UBE3C: variants seen among roughly 807,000 people sequenced by gnomAD.
The protein encoded by UBE3C is ubiquitin protein ligase E3C.
Under a neutral mutation model 129.4 loss-of-function variants are expected in UBE3C, and 42 were observed. That is an observed-to-expected ratio of 0.32 (90% CI 0.25 to 0.42). The LOEUF (loss-of-function observed/expected upper bound fraction) is 0.42. UBE3C is among the 10% of genes least tolerant of loss of function. UBE3C has a pLI of 1.00. For missense variants in UBE3C, 1,049 were observed against 1,319.1 expected, an observed-to-expected ratio of 0.80 and a Z score of 3.17; for synonymous variants, 510 against 492.4, an observed-to-expected ratio of 1.04 and a Z score of -0.47.
At chr7:157,209,615 G>A (rs1259384499) in intron 13 of UBE3C, among the ~76,000 whole-genome samples, 1 of 152,146 alleles carries the variant, frequency 6.6e-6, no homozygotes, top group Non-Finnish European at 1.5e-5. Flanking sequence ...TGGGGTCTTT[G>A]TTAATAAAGC....
At chr7:157,248,698 G>A (rs554869809) in intron 19 of UBE3C, 118 bp downstream of exon 19, 33 of 1,125,766 alleles carry the variant, frequency 2.9e-5, no homozygotes, top group Non-Finnish European at 3.9e-5. Flanking sequence ...TAGAATGACT[G>A]TGGCTGTGAG....
rs540267397 is a variant in UBE3C at position 157,192,123 on chromosome 7, A to T, written c.1331+5102A>T. ...TTGTTAGACACATCAAATAAATAAA[A>T]TAGACTTGCCTTCGTCAGCTTCAGC... On this transcript the variant is annotated intron_variant, in intron 10 of 22. Coordinates refer to ENST00000348165, the MANE Select transcript of UBE3C (RefSeq NM_014671.3). Among the ~76,000 whole-genome samples the T allele has an allele frequency of 2.0e-5, 3 of 152,354 alleles. No individual in the cohort carries two copies. In the South Asian group the frequency reaches 6.2e-4, roughly 32 times the overall value.
At chr7:157,165,487 T>C (rs1808189021) in intron 2 of UBE3C, among the ~76,000 whole-genome samples, 1 of 151,432 alleles carries the variant, frequency 6.6e-6, no homozygotes, top group African/African-American at 2.4e-5. Flanking sequence ...AACCTCCGCC[T>C]TCCAGGTTCA....
At chr7:157,185,686 G>T (rs1334210585) in intron 9 of UBE3C, among the ~76,000 whole-genome samples, 1 of 152,012 alleles carries the variant, frequency 6.6e-6, no homozygotes, top group African/African-American at 2.4e-5. Context: ...AAGCTCTTTT[G>T]CCTTTAGGTT....
chr7:157,197,510 T>C (rs999297383), intron 10 of UBE3C: 17 of 73,452 alleles, frequency 2.3e-4, no homozygotes, highest in Non-Finnish European at 2.8e-4. Context: ...AAATAATTTG[T>C]TTTTTTTTTT....
At chr7:157,158,531 A>G (rs540974134) in intron 1 of UBE3C, among the ~76,000 whole-genome samples, 1 of 152,378 alleles carries the variant, frequency 6.6e-6, no homozygotes, top group South Asian at 2.1e-4. Context: ...AGCTGTGATT[A>G]AAAGTGATGA....
intron 22 of UBE3C, among the ~76,000 whole-genome samples, chr7:157,258,335 A>T (rs1796810216): frequency 6.6e-6 from 1 of 152,128 alleles, no homozygotes; most frequent in Non-Finnish European, 1.5e-5. Context: ...CTGAGGTAGG[A>T]GGATTAGTTG....
At chr7:157,261,271 A>G (rs1182713174) in intron 22 of UBE3C, among the ~76,000 whole-genome samples, 2 of 128,804 alleles carry the variant, frequency 1.6e-5, no homozygotes, top group Admixed American at 2.0e-4. Context: ...GCACCATTGC[A>G]CTCCAGCCTG....
At chr7:157,154,279 C>T (rs1053785007) in intron 1 of UBE3C, among the ~76,000 whole-genome samples, 1 of 151,904 alleles carries the variant, frequency 6.6e-6, no homozygotes, top group African/African-American at 2.4e-5. Context: ...AAGATCACAC[C>T]ACTGCACTCC....
intron 10 of UBE3C, among the ~76,000 whole-genome samples, chr7:157,191,465 A>G (rs560726163): frequency 1.1e-4 from 17 of 152,140 alleles, no homozygotes; most frequent in Non-Finnish European, 2.1e-4. Context: ...AATTTTTTGT[A>G]ATTTTTGTAG....
At chr7:157,174,835 TA>T in intron 4 of UBE3C, 83 bp from the exon 5 acceptor site, 1 of 992,160 alleles carries the variant, frequency 1.0e-6, no homozygotes. Context: ...GCATTGCCAC[TA>T]AAGGAAATTT....
At chr7:157,202,114 CTT>C (rs1268407749) in intron 11 of UBE3C, among the ~76,000 whole-genome samples, 2 of 152,188 alleles carry the variant, frequency 1.3e-5, no homozygotes, top group Non-Finnish European at 2.9e-5. Flanking sequence ...CTTTACTCCT[CTT>C]TTCACAGTGA....
chr7:157,156,087 A>G (rs1230283724), intron 1 of UBE3C, among the ~76,000 whole-genome samples: 1 of 152,082 alleles, frequency 6.6e-6, no homozygotes, highest in Non-Finnish European at 1.5e-5. Flanking sequence ...TTCTCCTGGT[A>G]CCTTATTTGC....
At chr7:157,199,509 C>T (rs904776165) in intron 10 of UBE3C, among the ~76,000 whole-genome samples, 1 of 151,720 alleles carries the variant, frequency 6.6e-6, no homozygotes, top group Non-Finnish European at 1.5e-5. Flanking sequence ...CTTGTTCTGT[C>T]ACCCAGGCTG....
chr7:157,246,145 A>G (rs774313585), intron 18 of UBE3C, among the ~76,000 whole-genome samples: 1 of 152,222 alleles, frequency 6.6e-6, no homozygotes, highest in Non-Finnish European at 1.5e-5. Flanking sequence ...AGTCCTTAAA[A>G]TGTGAATCTC....
chr7:157,178,970 C>A, intron 6 of UBE3C, 123 bp downstream of exon 6: 4 of 1,236,020 alleles, frequency 3.2e-6, no homozygotes, highest in East Asian at 2.5e-5. Flanking sequence ...GTGTCCCAGA[C>A]GCCTTGTGCT....
chr7:157,202,050 C>T (rs1809300947), intron 11 of UBE3C, among the ~76,000 whole-genome samples: 1 of 152,068 alleles, frequency 6.6e-6, no homozygotes, highest in Non-Finnish European at 1.5e-5. Context: ...CTTTAAACAT[C>T]CTAGCCATGT....
At chr7:157,228,478 C>A (rs1349613986) in intron 17 of UBE3C, among the ~76,000 whole-genome samples, 1 of 152,248 alleles carries the variant, frequency 6.6e-6, no homozygotes, top group Non-Finnish European at 1.5e-5. Context: ...ACTCTGCTGT[C>A]ATCAGTTCTG....
chr7:157,169,707 A>G (rs972606961), intron 3 of UBE3C, among the ~76,000 whole-genome samples: 9 of 150,894 alleles, frequency 6.0e-5, no homozygotes, highest in African/African-American at 2.2e-4. Context: ...TTTTTGAGAG[A>G]GTCTTGCTCT....
Sources: gnomAD v4.1 joint callset for allele counts (sites outside exome capture counted in the v4.1 genomes callset) on GRCh38, gnomAD v4.1.1 for gene constraint, MANE v1.5 for transcripts, NCBI Gene and HGNC (gene_info 2026-07-23, HGNC 2026-07-21) for gene names.